NEK10: variants seen among roughly 807,000 people sequenced by gnomAD.
The protein encoded by NEK10 is serine/threonine-protein kinase Nek10.
In NEK10, 122 loss-of-function variants were observed where a neutral mutation model predicts 159.8. That is an observed-to-expected ratio of 0.76 (90% CI 0.66 to 0.89). The LOEUF is 0.89. NEK10 is among the 40% of genes least tolerant of loss of function. The pLI is 0.00. For synonymous variants in NEK10, 466 were observed against 457.1 expected, an observed-to-expected ratio of 1.02 and a Z score of -0.25; for missense variants, 1,342 against 1,323.1, an observed-to-expected ratio of 1.01 and a Z score of -0.22.
chr3:27,273,454 T>C (rs1253077933), intron 22 of NEK10, among the ~76,000 whole-genome samples: 1 of 152,226 alleles, frequency 6.6e-6, no homozygotes, highest in African/African-American at 2.4e-5. Flanking sequence ...GCAAGTTTTC[T>C]AAACTCTCTA....
At chr3:27,330,335 T>A (rs2046310135) in intron 5 of NEK10, among the ~76,000 whole-genome samples, 1 of 152,192 alleles carries the variant, frequency 6.6e-6, no homozygotes, top group Admixed American at 6.5e-5. Context: ...ATGTCTATGT[T>A]TAAGGTTGTG....
intron 30 of NEK10, among the ~76,000 whole-genome samples, chr3:27,158,553 G>C (rs974591874): frequency 2.0e-5 from 3 of 152,072 alleles, no homozygotes; most frequent in Non-Finnish European, 4.4e-5. Context: ...TAGATTCATA[G>C]TCATCCAATA....
rs573922817 is a variant in NEK10, at chr3:27,356,136, C to A, written c.-37-3217G>T. Among the ~76,000 whole-genome samples the A allele has an allele frequency of 1.1e-3, 164 of 152,260 alleles. 1 individual carries two copies. The highest frequency in any genetic ancestry group is 3.6e-3 in the African/African-American group (150 of 41,564). Reference sequence around the variant, plus strand: ...AGCATTCAAGCCTCCATCTTGGAAGCAGGGACTGGGCACTTACCAGACACC... The same window carrying A: ...AGCATTCAAGCCTCCATCTTGGAAGAAGGGACTGGGCACTTACCAGACACC... On this transcript the variant is annotated intron_variant, in intron 1 of 35. Transcript: ENST00000691995.
chr3:27,317,188 G>A (rs1195767103), intron 6 of NEK10, among the ~76,000 whole-genome samples: 1 of 152,210 alleles, frequency 6.6e-6, no homozygotes, highest in East Asian at 1.9e-4. Context: ...ATTGCTCACA[G>A]ACCCTGGTCT....
intron 31 of NEK10, among the ~76,000 whole-genome samples, chr3:27,139,264 A>G (rs570566577): frequency 1.3e-5 from 2 of 152,318 alleles, no homozygotes; most frequent in African/African-American, 4.8e-5. Context: ...GAGCCTTCAT[A>G]GCAATTAAAA....
chr3:27,200,633 G>T (rs1169837662), intron 25 of NEK10, among the ~76,000 whole-genome samples: 9 of 152,160 alleles, frequency 5.9e-5, no homozygotes, highest in Admixed American at 5.9e-4. Context: ...TTTCCATTTT[G>T]GTGGGGAAGA....
At chr3:27,126,473 A>G (rs892153095) in intron 32 of NEK10, among the ~76,000 whole-genome samples, 13 of 152,172 alleles carry the variant, frequency 8.5e-5, no homozygotes, top group African/African-American at 3.1e-4. Context: ...TCTTTCTAAT[A>G]AAAAGTCTCA....
At position 27,111,181 on chromosome 3, in the gene NEK10, G is replaced by T; in HGVS notation, c.*91C>A. The T allele has an allele frequency of 8.0e-7, 1 of 1,243,224 alleles. No individual in the cohort carries two copies. Among genetic ancestry groups the T allele is most frequent in the Non-Finnish European group, 1.2e-6 (1 of 854,848 alleles). The allele number at this position is 1,243,224 out of a possible 1,614,324, so 77.0% of individuals were successfully genotyped here. A position where few individuals can be genotyped will look rare whatever the true frequency, so the allele number is the denominator to read the frequency against. Reference sequence around the variant, plus strand: ...TTGGTCTTTTCCACACCCTCTAGCAGCACCCAATCCTTGGGCATCTTGCAA... The same window carrying T: ...TTGGTCTTTTCCACACCCTCTAGCATCACCCAATCCTTGGGCATCTTGCAA... On this transcript the variant is annotated 3_prime_UTR_variant, in exon 36 of 36. Coordinates refer to ENST00000691995, the MANE Select transcript of NEK10 (RefSeq NM_001394966.1).
In NEK10 at chr3:27,314,188, A is replaced by G. The variant is rs529091129; in HGVS notation, c.489+109T>C. 507 of 750,872 alleles carry G rather than the reference A, an allele frequency of 6.8e-4. 2 individuals carry two copies. Among genetic ancestry groups the G allele is most frequent in the Non-Finnish European group, 4.3e-5 (18 of 421,932 alleles). The allele number at this position is 750,872 out of a possible 1,614,324, so 46.5% of individuals were successfully genotyped here. On this transcript the variant is annotated intron_variant, in intron 7 of 35. Transcript: ENST00000691995. ...AACGCTGTCTGTCCCTCTCTGGGGC[A>G]GACAGCATAACATAGGAAAGCCACC...
intron 23 of NEK10, among the ~76,000 whole-genome samples, chr3:27,236,121 G>T (rs902504025): frequency 1.3e-4 from 20 of 152,032 alleles, no homozygotes; most frequent in Middle Eastern, 3.2e-3. Flanking sequence ...GACTCATAGA[G>T]GGGGAACAAG....
chr3:27,327,442 T>G (rs1291886283), intron 5 of NEK10, among the ~76,000 whole-genome samples: 1 of 152,210 alleles, frequency 6.6e-6, no homozygotes, highest in Non-Finnish European at 1.5e-5. Context: ...GATCAGCTCC[T>G]GCCACCCCTG....
rs866298798 is a variant in NEK10, at chr3:27,213,312, T to G, written c.2091-10755A>C. 9.2e-5 allele frequency among the ~76,000 whole-genome samples: 14 copies of G among 152,186 alleles called. No homozygotes were observed. The South Asian group carries it at 1.2e-3, about 14-fold the overall frequency. On this transcript the variant is annotated intron_variant, in intron 23 of 35. Transcript: ENST00000691995. ...AGGGGGAATAAAGAAAGAAGGGGTT[T>G]CAGAGAGAGGAACTTTAAGTCACAT...
At chr3:27,183,263 CAAAAAAG>C (rs1948303839) in intron 26 of NEK10, among the ~76,000 whole-genome samples, 1 of 148,610 alleles carries the variant, frequency 6.7e-6, no homozygotes, top group African/African-American at 2.5e-5. Flanking sequence ...TATTTATAAA[CAAAAAAG>C]AAAAAAGTAA....
intron 26 of NEK10, among the ~76,000 whole-genome samples, chr3:27,181,785 C>T (rs1227662611): frequency 6.6e-6 from 1 of 152,082 alleles, no homozygotes; most frequent in African/African-American, 2.4e-5. Flanking sequence ...ACTACTGTAT[C>T]AGGAGAATAC....
At chr3:27,230,304 T>A (rs888497652) in intron 23 of NEK10, among the ~76,000 whole-genome samples, 6 of 152,058 alleles carry the variant, frequency 3.9e-5, no homozygotes, top group Non-Finnish European at 8.8e-5. Flanking sequence ...AAAGTCTTTT[T>A]CAGACAAACA....
chr3:27,260,081 C>T (rs1244046115), intron 22 of NEK10, among the ~76,000 whole-genome samples: 3 of 152,184 alleles, frequency 2.0e-5, no homozygotes, highest in Non-Finnish European at 2.9e-5. Context: ...TATCCTGAGA[C>T]TTTGCTGAAG....
chr3:27,276,663 A>C (rs899096312), intron 22 of NEK10, among the ~76,000 whole-genome samples: 1 of 152,228 alleles, frequency 6.6e-6, no homozygotes, highest in Non-Finnish European at 1.5e-5. Flanking sequence ...TGCCAATGGC[A>C]GAGCAATCTT....
chr3:27,149,873 T>C (rs1184048857), intron 30 of NEK10, among the ~76,000 whole-genome samples: 2 of 152,180 alleles, frequency 1.3e-5, no homozygotes, highest in Non-Finnish European at 2.9e-5. Context: ...TTGCATCAAA[T>C]AGTTAGCCAA....
intron 33 of NEK10, 136 bp downstream of exon 33, chr3:27,119,624 C>T: frequency 1.6e-6 from 1 of 619,116 alleles, no homozygotes; most frequent in East Asian, 2.8e-5. Context: ...CCATATGTGC[C>T]TTCCAACTAT....
Sources: gnomAD v4.1 joint callset for allele counts (sites outside exome capture counted in the v4.1 genomes callset) on GRCh38, gnomAD v4.1.1 for gene constraint, MANE v1.5 for transcripts, NCBI Gene and HGNC (gene_info 2026-07-23, HGNC 2026-07-21) for gene names.